LRRN2: variants seen among roughly 807,000 people sequenced by gnomAD.
LRRN2 encodes the protein leucine rich repeat neuronal 2, also known as leucine-rich repeat neuronal protein 2.
In LRRN2, 10 loss-of-function variants were observed where a neutral mutation model predicts 35.7. That is an observed-to-expected ratio of 0.28 (90% confidence interval 0.17 to 0.47). The LOEUF (loss-of-function observed/expected upper bound fraction) is 0.47. Ranked by LOEUF, LRRN2 falls within the 20% of genes least tolerant of loss-of-function variation. LRRN2 has a pLI of 0.99. For missense variants in LRRN2, 731 were observed against 940.3 expected (o/e 0.78, Z 2.91); for synonymous variants, 391 against 409.6 (o/e 0.95, Z 0.55).
Position 204,659,387 on chromosome 1 carries a change from G to A in LRRN2, c.-227+25933C>T, listed in dbSNP as rs552955419. ...CACACTTACCCTAATGACAGTCTCC[G>A]GGGTCTTCATCCAGCCTGAGCACCC... On this transcript the variant is annotated intron_variant, in intron 1 of 1. Transcript: ENST00000367177. 3.5e-4 allele frequency among the ~76,000 whole-genome samples: 54 copies of A among 152,258 alleles called. 1 individual carries two copies. The South Asian group carries it at 0.011, about 30-fold the overall frequency.
At chr1:204,656,957 C>T (rs2102614582) in intron 1 of LRRN2, among the ~76,000 whole-genome samples, 1 of 152,230 alleles carries the variant, frequency 6.6e-6, no homozygotes. Context: ...TCTGCATCTT[C>T]CTTAAAAAAT....
chr1:204,666,685 GC>G (rs1053156820), intron 1 of LRRN2, among the ~76,000 whole-genome samples: 1 of 152,208 alleles, frequency 6.6e-6, no homozygotes, highest in African/African-American at 2.4e-5. Flanking sequence ...AAGCCACTGG[GC>G]GCGGTGGCTC....
At chr1:204,622,806 A>G (rs1367838780) in intron 1 of LRRN2, among the ~76,000 whole-genome samples, 1 of 152,148 alleles carries the variant, frequency 6.6e-6, no homozygotes, top group African/African-American at 2.4e-5. Context: ...CAAATAGATC[A>G]GGACCCAAAT....
chr1:204,665,836 T>C (rs1668565316), intron 1 of LRRN2, among the ~76,000 whole-genome samples: 1 of 152,214 alleles, frequency 6.6e-6, no homozygotes, highest in Admixed American at 6.5e-5. Context: ...ACAAATCCTC[T>C]GCAATTAAAC....
chr1:204,666,711 A>G (rs1036372197), intron 1 of LRRN2, among the ~76,000 whole-genome samples: 6 of 152,330 alleles, frequency 3.9e-5, no homozygotes, highest in African/African-American at 1.2e-4. Flanking sequence ...CTGTAATCCC[A>G]GCTCTTTGGG....
At chr1:204,652,260 GCCCC>G (rs57390819) in intron 1 of LRRN2, among the ~76,000 whole-genome samples, 7 of 60,458 alleles carry the variant, frequency 1.2e-4, no homozygotes, top group Non-Finnish European at 2.0e-4. Flanking sequence ...CCTCTTCACC[GCCCC>G]CCCCCCGCCC....
chr1:204,650,375 A>C (rs1183432077), intron 1 of LRRN2, among the ~76,000 whole-genome samples: 1 of 152,228 alleles, frequency 6.6e-6, no homozygotes, highest in Non-Finnish European at 1.5e-5. Context: ...CGCAGGCCAG[A>C]CAGGCTCTGC....
chr1:204,674,395 C>A (rs563470338), intron 1 of LRRN2, among the ~76,000 whole-genome samples: 1 of 151,942 alleles, frequency 6.6e-6, no homozygotes, highest in Non-Finnish European at 1.5e-5. Flanking sequence ...GAAACCAGAA[C>A]GGCAAATGTG....
intron 1 of LRRN2, chr1:204,620,898 AATG>A (rs1666841336): frequency 6.0e-6 from 1 of 167,084 alleles, no homozygotes; most frequent in African/African-American, 2.4e-5. Flanking sequence ...TGGAAGATAA[AATG>A]ATAAGTTTCC....
Position 204,619,671 on chromosome 1 carries a change from C to T in LRRN2, c.322G>A (p.Ala108Thr), listed in dbSNP as rs144467032. The change falls in exon 2 of 2, where the codon GCC (alanine) becomes ACC (threonine). Residue 108 changes from alanine to threonine, a missense_variant. Physicochemically the swap from Ala to Thr is moderately conservative, Grantham distance 58. Coordinates refer to ENST00000367177, the MANE Select transcript of LRRN2 (RefSeq NM_201630.2). ...AGGGCATGGAAATCACAGTCTCGGGCATCCGAAAAGCTGTTCTGGGACAGG... is the reference window on the plus strand; with the variant it reads ...AGGGCATGGAAATCACAGTCTCGGGTATCCGAAAAGCTGTTCTGGGACAGG... ...LDLSQNSFSD[A>T]RDCDFHALPQ... 7.4e-4 allele frequency: 1,189 copies of T among 1,614,226 alleles called. 1 individual carries two copies. Among genetic ancestry groups the T allele is most frequent in the Non-Finnish European group, 8.0e-4 (947 of 1,180,026 alleles).
In LRRN2 at chr1:204,620,122, C is replaced by G. The variant is rs2102568495; in HGVS notation, c.-130G>C. 1 of 1,467,430 alleles carries G rather than the reference C, an allele frequency of 6.8e-7. No individual in the cohort carries two copies. The allele number at this position is 1,467,430 out of a possible 1,614,324, so 90.9% of individuals were successfully genotyped here. The stretch of plus-strand genomic sequence containing the variant: ...ACCCTCCCAGGGCAGTCATTCTACA[C>G]CGGGCGTCACTTCTTGCCCTCCTCA... On this transcript the variant is annotated 5_prime_UTR_variant, in exon 2 of 2. Coordinates refer to ENST00000367177, the MANE Select transcript of LRRN2 (RefSeq NM_201630.2).
chr1:204,646,080 C>T (rs1487285698), intron 1 of LRRN2, among the ~76,000 whole-genome samples: 1 of 152,044 alleles, frequency 6.6e-6, no homozygotes, highest in Non-Finnish European at 1.5e-5. Context: ...AAAGTCTCAA[C>T]CCCCAAAAAA....
chr1:204,659,698 C>T (rs1235439210), intron 1 of LRRN2, among the ~76,000 whole-genome samples: 2 of 151,894 alleles, frequency 1.3e-5, no homozygotes, highest in Non-Finnish European at 1.5e-5. Context: ...GGATTTTTTT[C>T]CCCAGTGTAT....
intron 1 of LRRN2, among the ~76,000 whole-genome samples, chr1:204,636,599 C>T (rs1353992347): frequency 6.6e-6 from 1 of 152,060 alleles, no homozygotes; most frequent in Non-Finnish European, 1.5e-5. Context: ...CAGAGCTGGC[C>T]AACTGGTCTT....
chr1:204,657,509 TA>T (rs1668386326), intron 1 of LRRN2, among the ~76,000 whole-genome samples: 1 of 152,168 alleles, frequency 6.6e-6, no homozygotes. Context: ...ATTCCATTTC[TA>T]TGACACGTCC....
intron 1 of LRRN2, among the ~76,000 whole-genome samples, chr1:204,652,345 C>G (rs556466580): frequency 4.0e-5 from 6 of 149,252 alleles, no homozygotes; most frequent in Admixed American, 3.4e-4. Context: ...ACCCCTCTCC[C>G]GGTTCAGCTG....
At chr1:204,649,215 G>C (rs55746445) in intron 1 of LRRN2, among the ~76,000 whole-genome samples, 161 of 152,348 alleles carry the variant, frequency 1.1e-3, no homozygotes, top group Non-Finnish European at 1.8e-3. Flanking sequence ...TCCCTTACCT[G>C]CTGCTGCTCA....
intron 1 of LRRN2, among the ~76,000 whole-genome samples, chr1:204,661,572 T>C (rs1460422036): frequency 6.6e-6 from 1 of 152,132 alleles, no homozygotes; most frequent in Non-Finnish European, 1.5e-5. Flanking sequence ...TGCATCTGAG[T>C]GCCCCACACC....
chr1:204,620,336 T>G (rs1571604384), intron 1 of LRRN2, 118 bp from the exon 2 acceptor site: 1 of 531,678 alleles, frequency 1.9e-6, no homozygotes, highest in East Asian at 6.2e-5. Context: ...AGTGCAGCGG[T>G]GCACTCAGCT....
Sources: allele counts gnomAD v4.1 joint callset (sites outside exome capture counted in the v4.1 genomes callset), GRCh38; gene constraint gnomAD v4.1.1; transcripts MANE v1.5; gene names NCBI Gene and HGNC (gene_info 2026-07-23, HGNC 2026-07-21).